Variants in GALNT9 observed in about 807,000 individuals in gnomAD.
GALNT9 encodes the protein GalNAc transferase 9.
A neutral mutation model predicts 63.1 loss-of-function variants in GALNT9; 47 were observed. That is an observed-to-expected ratio of 0.75 (90% CI 0.59 to 0.95). The LOEUF (loss-of-function observed/expected upper bound fraction) is 0.95. Among genes scored for constraint, GALNT9 ranks in the 40% least tolerant of loss-of-function variants. The pLI, the probability that GALNT9 is intolerant of heterozygous loss-of-function variation, is 0.00. For synonymous variants in GALNT9, 396 were observed against 365.7 expected (o/e 1.08, Z -0.94); for missense variants, 829 against 874.8 (o/e 0.95, Z 0.66).
At chr12:132,227,447 C>A (rs1156903544) in intron 6 of GALNT9, among the ~76,000 whole-genome samples, 2 of 152,222 alleles carry the variant, frequency 1.3e-5, no homozygotes, top group Non-Finnish European at 2.9e-5. Flanking sequence ...TACACCCAGG[C>A]ACACGCACGC....
At position 132,206,971 on chromosome 12, in the gene GALNT9, G is replaced by A. The variant is rs181136564; in HGVS notation, c.1078-3281C>T. On this transcript the variant is annotated intron_variant, in intron 6 of 10. Coordinates refer to ENST00000328957, the MANE Select transcript of GALNT9 (RefSeq NM_001122636.2). ...TCCCAGCTGCTTGGGAGGCTGAGGC[G>A]GGAGGATCACCTGAGCCCGGGAGGT... 5.1e-4 allele frequency among the ~76,000 whole-genome samples: 78 copies of A among 152,194 alleles called. 1 individual carries two copies. The highest frequency in any genetic ancestry group is 1.4e-3 in the Admixed American group (22 of 15,302).
At chr12:132,325,891 C>G (rs900949806) in intron 1 of GALNT9, among the ~76,000 whole-genome samples, 1 of 152,278 alleles carries the variant, frequency 6.6e-6, no homozygotes, top group Non-Finnish European at 1.5e-5. Context: ...GCCAGGACCG[C>G]GCCAGGCAGG....
chr12:132,250,753 T>C (rs28673343), intron 5 of GALNT9, among the ~76,000 whole-genome samples: 49,871 of 152,126 alleles, frequency 0.33, 8,799 homozygotes, highest in African/African-American at 0.46. Flanking sequence ...ATGACGCCAC[T>C]GCACTCCAGC....
intron 6 of GALNT9, chr12:132,240,863 A>G (rs2136899834): frequency 0.19 from 52,742 of 280,562 alleles, 5,114 homozygotes; most frequent in African/African-American, 0.4. Flanking sequence ...CCCCCTTCCC[A>G]GGGCCGTCCC....
At chr12:132,214,667 C>CT (rs1565989361) in intron 6 of GALNT9, among the ~76,000 whole-genome samples, 1 of 152,256 alleles carries the variant, frequency 6.6e-6, no homozygotes, top group Non-Finnish European at 1.5e-5. Context: ...CTCATACCCT[C>CT]TGCCTCCTGT....
intron 3 of GALNT9, among the ~76,000 whole-genome samples, chr12:132,261,408 T>G (rs1289023863): frequency 2.7e-5 from 4 of 150,376 alleles, no homozygotes; most frequent in Non-Finnish European, 5.9e-5. Flanking sequence ...GACACAGGAC[T>G]GCAGTCAGCT....
At chr12:132,325,640 G>A (rs1040833314) in intron 1 of GALNT9, among the ~76,000 whole-genome samples, 1 of 152,190 alleles carries the variant, frequency 6.6e-6, no homozygotes, top group South Asian at 2.1e-4. Context: ...GCGCCACCTC[G>A]CTGGACCTCT....
chr12:132,293,449 G>C (rs1207016447), intron 1 of GALNT9, among the ~76,000 whole-genome samples: 5 of 152,190 alleles, frequency 3.3e-5, no homozygotes, highest in Admixed American at 3.3e-4. Context: ...GATTCTTAGA[G>C]CCAACAGCTC....
At position 132,252,837 on chromosome 12, in the gene GALNT9, C is replaced by G. The variant is rs183341506; in HGVS notation, c.960-4810G>C. On this transcript the variant is annotated intron_variant, in intron 5 of 10. Transcript: ENST00000328957. This position sits in a 1 kb window ranked among gnomAD's most constrained non-coding sequence, Gnocchi z 5.2. The stretch of plus-strand genomic sequence containing the variant: ...GGCGGAGGTTGTGGTGAGCCGAGAT[C>G]GCACCACTGCACTCCAGCCTGGGCA... Among the ~76,000 whole-genome samples, 5 of 151,710 alleles carry G rather than the reference C, an allele frequency of 3.3e-5. No individual in the cohort carries two copies. Among genetic ancestry groups the G allele is most frequent in the Admixed American group, 6.6e-5 (1 of 15,260 alleles).
chr12:132,247,598 C>T (rs1221100806), intron 6 of GALNT9: 4 of 546,526 alleles, frequency 7.3e-6, no homozygotes, highest in Admixed American at 2.2e-5. Context: ...TCACCCTGTC[C>T]CCGGACACTG....
At chr12:132,304,323 G>T (rs187650677) in intron 1 of GALNT9, among the ~76,000 whole-genome samples, 8,618 of 54,878 alleles carry the variant, frequency 0.16, 2 homozygotes, top group Middle Eastern at 0.21. Flanking sequence ...GCACAGAATC[G>T]CCCAGACACA....
At chr12:132,199,024 C>T in intron 9 of GALNT9, 150 bp downstream of exon 9, 1 of 584,162 alleles carries the variant, frequency 1.7e-6, no homozygotes, top group Admixed American at 3.0e-5. Context: ...CTAGAGGGGC[C>T]CTCAGGCTGC....
In GALNT9 at chr12:132,315,009, G is replaced by A. The variant is rs933872865; in HGVS notation, c.238+13957C>T. Among the ~76,000 whole-genome samples the A allele has an allele frequency of 1.3e-5, 2 of 152,188 alleles. No homozygotes were observed. Among genetic ancestry groups the A allele is most frequent in the African/African-American group, 2.4e-5 (1 of 41,462 alleles). ...GCTTTGCAGGCTCCCCTTGTCCAGCGTCCTCACAACAGAGGTGAGTGCTGT... is the reference window on the plus strand; with the variant it reads ...GCTTTGCAGGCTCCCCTTGTCCAGCATCCTCACAACAGAGGTGAGTGCTGT... On this transcript the variant is annotated intron_variant, in intron 1 of 10. Transcript: ENST00000328957. This position sits in a 1 kb window ranked among gnomAD's most constrained non-coding sequence, Gnocchi z 6.1.
rs2136905654 is a variant in GALNT9 at position 132,243,538 on chromosome 12, G to T, written c.1077+4372C>A. Among the ~76,000 whole-genome samples, 12 of 152,194 alleles carry T rather than the reference G, an allele frequency of 7.9e-5. No individual in the cohort carries two copies. In the South Asian group the frequency reaches 2.5e-3, roughly 32 times the overall value. The stretch of plus-strand genomic sequence containing the variant: ...CGTAGGGGCAGCTCTGGTGTTGTTG[G>T]TCCTTCCCTCCAGACACCACGTCTC... On this transcript the variant is annotated intron_variant, in intron 6 of 10. Coordinates refer to ENST00000328957, the MANE Select transcript of GALNT9 (RefSeq NM_001122636.2).
rs186599931 is a variant in GALNT9, at chr12:132,255,822, T to A, written c.959+1867A>T. Among the ~76,000 whole-genome samples, 216 of 152,300 alleles carry A rather than the reference T, an allele frequency of 1.4e-3. 1 individual carries two copies. The highest frequency in any genetic ancestry group is 2.3e-3 in the Non-Finnish European group (157 of 68,032). ...TGGAACGCAGGGGCACCGGCCGCGATGACAACACCGCGTGGACCCACATGC... is the reference window on the plus strand; with the variant it reads ...TGGAACGCAGGGGCACCGGCCGCGAAGACAACACCGCGTGGACCCACATGC... On this transcript the variant is annotated intron_variant, in intron 5 of 10. Transcript: ENST00000328957.
intron 6 of GALNT9, among the ~76,000 whole-genome samples, chr12:132,225,656 C>T (rs1343867342): frequency 4.1e-5 from 6 of 146,826 alleles, no homozygotes; most frequent in African/African-American, 5.1e-5. Flanking sequence ...TATATACACA[C>T]CCCACACACA....
At chr12:132,309,077 C>T (rs1881722154) in intron 1 of GALNT9, among the ~76,000 whole-genome samples, 1 of 152,216 alleles carries the variant, frequency 6.6e-6, no homozygotes, top group African/African-American at 2.4e-5. Context: ...GGGCAGAACC[C>T]GGCCCCACCC....
At chr12:132,301,422 C>G (rs1256315203) in intron 1 of GALNT9, among the ~76,000 whole-genome samples, 1 of 152,256 alleles carries the variant, frequency 6.6e-6, no homozygotes, top group Non-Finnish European at 1.5e-5. Flanking sequence ...ATGGTCCATA[C>G]GAGAACCACA....
chr12:132,204,604 C>T (rs914849315), intron 6 of GALNT9, among the ~76,000 whole-genome samples: 1 of 152,214 alleles, frequency 6.6e-6, no homozygotes. Flanking sequence ...GACGGCCAAT[C>T]TCGGTACCCT....
Sources: gnomAD v4.1 joint callset for allele counts (sites outside exome capture counted in the v4.1 genomes callset) on GRCh38, gnomAD v4.1.1 for gene constraint, Gnocchi (gnomAD v3.1) non-coding constraint, MANE v1.5 for transcripts, NCBI Gene and HGNC (gene_info 2026-07-23, HGNC 2026-07-21) for gene names.